Variants in DNTT observed in about 807,000 individuals in gnomAD.
The protein encoded by DNTT is nucleosidetriphosphate:DNA deoxynucleotidylexotransferase.
A neutral mutation model predicts 60.9 loss-of-function variants in DNTT; 47 were observed. That is an observed-to-expected ratio of 0.77 (90% CI 0.61 to 0.98). The LOEUF (loss-of-function observed/expected upper bound fraction) is 0.98, where lower values mean the gene tolerates loss of function less well. DNTT is among the 50% of genes least tolerant of loss of function. The pLI is 0.00. For synonymous variants in DNTT, 224 were observed against 221.2 expected (o/e 1.01, Z -0.11); for missense variants, 665 against 627.5 (o/e 1.06, Z -0.64).
intron 1 of DNTT, among the ~76,000 whole-genome samples, chr10:96,310,508 C>T (rs942449222): frequency 2.6e-5 from 4 of 152,192 alleles, no homozygotes; most frequent in African/African-American, 7.2e-5. Flanking sequence ...CTTTCCCTAC[C>T]ACCTTGAGTG....
chr10:96,314,601 A>G (rs1236107053), intron 1 of DNTT, among the ~76,000 whole-genome samples: 1 of 150,990 alleles, frequency 6.6e-6, no homozygotes, highest in African/African-American at 2.4e-5. Flanking sequence ...TTTAGTAGAG[A>G]CAGGGTTTCA....
chr10:96,328,456 G>A (rs1844963995), intron 7 of DNTT, among the ~76,000 whole-genome samples: 1 of 152,196 alleles, frequency 6.6e-6, no homozygotes, highest in African/African-American at 2.4e-5. Context: ...ATGTAGGTTT[G>A]TGTGAGTGTG....
intron 9 of DNTT, 73 bp from the exon 10 acceptor site, chr10:96,335,818 G>A: frequency 6.6e-7 from 1 of 1,504,870 alleles, no homozygotes; most frequent in Non-Finnish European, 9.2e-7. Context: ...TATTTCACTA[G>A]AGGGATGTAG....
rs778769876 is a variant in DNTT at position 96,322,706 on chromosome 10, A to C, written c.728A>C (p.Asp243Ala). ...TCTGAAGTTAAAGCTGTGTTAAATG[A>C]TGAACGATATCAATCCTTCAAAGTA... ...ESSEVKAVLN[D>A]ERYQSFKLFT... The change falls in exon 5 of 11, where the codon GAT becomes GCT. Residue 243 changes from aspartate to alanine, a missense_variant. Asp to Ala is a moderately radical substitution (Grantham distance 126, BLOSUM62 -2). Transcript: ENST00000371174. 1 of 1,601,014 alleles carries C rather than the reference A, an allele frequency of 6.2e-7. No individual in the cohort carries two copies. The highest frequency in any genetic ancestry group is 1.7e-5 in the Admixed American group (1 of 59,470).
rs1259273670 is a variant in DNTT, at chr10:96,328,730, A to G, written c.1013A>G (p.Lys338Arg). 8.7e-6 allele frequency: 14 copies of G among 1,611,654 alleles called. No homozygotes were observed. The highest frequency in any genetic ancestry group is 5.1e-6 in the Non-Finnish European group (6 of 1,179,408). Residue 338 changes from lysine (K) to arginine (R), a missense_variant, in exon 8 of 11, where the codon AAG becomes AGG. Coordinates refer to ENST00000371174, the MANE Select transcript of DNTT (RefSeq NM_004088.4). ...ATACTGCTTTTGAAAATTAGGGGTAAGAAGATGGGGCATGATGTAGATTTT... is the reference window on the plus strand; with the variant it reads ...ATACTGCTTTTGAAAATTAGGGGTAGGAAGATGGGGCATGATGTAGATTTT... ...VTMTGGFRRGKKMGHDVDFLI... is the reference protein window; with the variant it reads ...VTMTGGFRRGRKMGHDVDFLI...
chr10:96,328,570 C>T (rs917875420), intron 7 of DNTT, among the ~76,000 whole-genome samples, 155 bp from the exon 8 acceptor site: 3 of 151,900 alleles, frequency 2.0e-5, no homozygotes, highest in Admixed American at 1.3e-4. Flanking sequence ...TAAGGAACAG[C>T]GATGTGTAAC....
In DNTT at chr10:96,318,339, T is replaced by G; in HGVS notation, c.204-13T>G. ...AGATGTTTCAGCTGGTAACTCTGTCTTGCATTTTGCAGTGATTCTGTCACC... is the reference window on the plus strand; with the variant it reads ...AGATGTTTCAGCTGGTAACTCTGTCGTGCATTTTGCAGTGATTCTGTCACC... On this transcript the variant is annotated splice_polypyrimidine_tract_variant and intron_variant, in intron 1 of 10. Coordinates refer to ENST00000371174, the MANE Select transcript of DNTT (RefSeq NM_004088.4). The G allele has an allele frequency of 6.2e-7, 1 of 1,603,456 alleles. No homozygotes were observed. The highest frequency in any genetic ancestry group is 8.5e-7 in the Non-Finnish European group (1 of 1,173,116).
intron 8 of DNTT, among the ~76,000 whole-genome samples, chr10:96,329,999 C>T (rs964134821): frequency 3.3e-5 from 5 of 152,116 alleles, no homozygotes; most frequent in Non-Finnish European, 1.5e-5. Flanking sequence ...TTCTCAGTGT[C>T]CAGTAGGAAA....
intron 6 of DNTT, among the ~76,000 whole-genome samples, chr10:96,325,947 A>G (rs932062873): frequency 2.0e-5 from 3 of 152,234 alleles, no homozygotes; most frequent in Non-Finnish European, 4.4e-5. Context: ...AAGTCAGTTT[A>G]TGAACTATAG....
intron 4 of DNTT, among the ~76,000 whole-genome samples, chr10:96,321,083 C>T (rs1372479023): frequency 6.6e-6 from 1 of 151,954 alleles, no homozygotes; most frequent in Admixed American, 6.6e-5. Flanking sequence ...TCAGAGTTAC[C>T]GATAGTGAAT....
At chr10:96,331,751 C>T (rs1286619953) in intron 8 of DNTT, among the ~76,000 whole-genome samples, 1 of 152,132 alleles carries the variant, frequency 6.6e-6, no homozygotes, top group African/African-American at 2.4e-5. Flanking sequence ...AAGCTGCTCC[C>T]CAGAAACAAT....
chr10:96,320,512 G>A lies in DNTT; in HGVS notation c.508-106G>A, dbSNP rs141333454. 229 of 1,315,116 alleles carry A rather than the reference G, an allele frequency of 1.7e-4. 2 individuals carry two copies. The highest frequency in any genetic ancestry group is 3.8e-4 in the Admixed American group (19 of 49,378). The allele number at this position is 1,315,116 out of a possible 1,614,324, so 81.5% of individuals were successfully genotyped here. A position where few individuals can be genotyped will look rare whatever the true frequency, so the allele number is the denominator to read the frequency against. On this transcript the variant is annotated intron_variant, in intron 3 of 10. Transcript: ENST00000371174. ...CCCATCCTGACCTAGAAGGAAACAC[G>A]CAAGTGGTATTCCAATATTTAAAGG...
rs869059822 is a variant in DNTT at position 96,314,402 on chromosome 10, C to CTTTTT, written c.204-3926_204-3922dup. Among the ~76,000 whole-genome samples the CTTTTT allele has an allele frequency of 4.5e-3, 238 of 53,186 alleles. 32 individuals carry two copies. The highest frequency in any genetic ancestry group is 6.2e-3 in the Admixed American group (23 of 3,738). 34.9% of individuals were successfully genotyped at this position (53,186 alleles called of 152,430 possible). A position where few individuals can be genotyped will look rare whatever the true frequency, so the allele number is the denominator to read the frequency against. The stretch of plus-strand genomic sequence containing the variant: ...TAACATTTCCAAGGCTATCTCTTCC[C>CTTTTT]TTTTTTTTTTTTTTTTTTTTTTTTT... On this transcript the variant is annotated intron_variant, in intron 1 of 10. Transcript: ENST00000371174.
intron 9 of DNTT, among the ~76,000 whole-genome samples, chr10:96,333,364 T>C (rs1231550855): frequency 2.0e-5 from 3 of 152,220 alleles, no homozygotes; most frequent in African/African-American, 7.2e-5. Context: ...CTTGTATTGT[T>C]GGTGGTGTTG....
intron 1 of DNTT, among the ~76,000 whole-genome samples, chr10:96,312,416 C>T (rs923317968): frequency 6.6e-6 from 1 of 152,048 alleles, no homozygotes; most frequent in Non-Finnish European, 1.5e-5. Context: ...TCTCTGGGAC[C>T]CCAGAGCCTC....
intron 8 of DNTT, among the ~76,000 whole-genome samples, chr10:96,330,316 CT>C (rs34863236): frequency 0.048 from 6,726 of 140,324 alleles, 394 homozygotes; most frequent in African/African-American, 0.14. Context: ...GCTTTGTGGG[CT>C]TTTTTTTTTT....
At chr10:96,320,922 C>T in intron 4 of DNTT, 134 bp downstream of exon 4, 1 of 984,258 alleles carries the variant, frequency 1.0e-6, no homozygotes, top group Non-Finnish European at 1.5e-6. Flanking sequence ...TATACATATT[C>T]CTCTCTCTCT....
At chr10:96,333,676 A>T (rs926940703) in intron 9 of DNTT, among the ~76,000 whole-genome samples, 14 of 152,274 alleles carry the variant, frequency 9.2e-5, no homozygotes, top group African/African-American at 3.4e-4. Context: ...AACATGGTTG[A>T]ACCTAGAGGA....
intron 1 of DNTT, among the ~76,000 whole-genome samples, chr10:96,317,876 A>T (rs1885680): frequency 0.93 from 141,401 of 152,300 alleles, 66,570 homozygotes; most frequent in East Asian, 1. Context: ...AGTTGCTTAA[A>T]CCATGTAAGC....
Sources: allele counts gnomAD v4.1 joint callset (sites outside exome capture counted in the v4.1 genomes callset), GRCh38; gene constraint gnomAD v4.1.1; transcripts MANE v1.5; gene names NCBI Gene and HGNC (gene_info 2026-07-23, HGNC 2026-07-21).